RNGTT: variants seen among roughly 807,000 people sequenced by gnomAD.
RNGTT encodes RNA guanylyltransferase and 5'-phosphatase, also known as mRNA-capping enzyme.
RNGTT carries 33 observed loss-of-function variants against 79.3 expected under a neutral mutation model. That is an observed-to-expected ratio of 0.42 (90% CI 0.32 to 0.56). RNGTT has a LOEUF of 0.56. Among genes scored for constraint, RNGTT ranks in the 20% least tolerant of loss-of-function variants. The pLI is 0.17. For missense variants in RNGTT, 497 were observed against 739.1 expected (o/e 0.67, Z 3.80); for synonymous variants, 222 against 235.9 (o/e 0.94, Z 0.54).
chr6:88,724,994 C>T (rs1055305586), intron 13 of RNGTT, among the ~76,000 whole-genome samples: 5 of 152,208 alleles, frequency 3.3e-5, no homozygotes, highest in African/African-American at 4.8e-5. Context: ...CCCAAGTGTG[C>T]GCTCACCATT....
At chr6:88,758,028 A>G (rs750956119) in intron 13 of RNGTT, among the ~76,000 whole-genome samples, 1 of 152,192 alleles carries the variant, frequency 6.6e-6, no homozygotes, top group Non-Finnish European at 1.5e-5. Flanking sequence ...AAAGATTTCA[A>G]AACTATTTTT....
At chr6:88,922,398 A>C (rs1361171883) in intron 4 of RNGTT, among the ~76,000 whole-genome samples, 2 of 152,304 alleles carry the variant, frequency 1.3e-5, no homozygotes, top group African/African-American at 4.8e-5. Context: ...AAATGTTTCA[A>C]TACACATCTC....
chr6:88,898,862 C>CA lies in RNGTT; in HGVS notation c.684+5852dup, dbSNP rs34986773. Among the ~76,000 whole-genome samples the CA allele has an allele frequency of 9.4e-3, 1,040 of 110,158 alleles. 2 individuals carry two copies. The highest frequency in any genetic ancestry group is 0.014 in the African/African-American group (424 of 31,330). 72.3% of individuals were successfully genotyped at this position (110,158 alleles called of 152,430 possible). ...CCTAGATGTTTGCATTTATATTTTA[C>CA]AAAAAAAAAAAAACTCATCTTTAAG... On this transcript the variant is annotated intron_variant, in intron 6 of 15. Coordinates refer to ENST00000369485, the MANE Select transcript of RNGTT (RefSeq NM_003800.5).
chr6:88,831,587 A>G (rs932968896), intron 11 of RNGTT, among the ~76,000 whole-genome samples: 3 of 152,248 alleles, frequency 2.0e-5, no homozygotes, highest in African/African-American at 7.2e-5. Context: ...AGTTCTGGAC[A>G]GGGCAATCAG....
At chr6:88,866,965 C>T (rs1413877211) in intron 8 of RNGTT, among the ~76,000 whole-genome samples, 3 of 152,120 alleles carry the variant, frequency 2.0e-5, no homozygotes, top group Non-Finnish European at 2.9e-5. Context: ...CCTGAGAAAA[C>T]GGAGTCAATT....
chr6:88,950,487 G>A (rs1785206114), intron 1 of RNGTT, among the ~76,000 whole-genome samples: 1 of 152,090 alleles, frequency 6.6e-6, no homozygotes, highest in Admixed American at 6.5e-5. Context: ...AAAACTTTCT[G>A]GAAAGGATTC....
At chr6:88,952,720 C>A (rs1225071601) in intron 1 of RNGTT, among the ~76,000 whole-genome samples, 1 of 152,202 alleles carries the variant, frequency 6.6e-6, no homozygotes, top group Non-Finnish European at 1.5e-5. Flanking sequence ...TACTTACTGC[C>A]CTGCCACCCC....
rs1294974985 is a variant in RNGTT, at chr6:88,881,248, T to C, written c.896+9247A>G. Among the ~76,000 whole-genome samples the C allele has an allele frequency of 3.3e-5, 5 of 152,258 alleles. No homozygotes were observed. The East Asian group carries it at 7.7e-4, about 23-fold the overall frequency. ...GCATAAAGACATAGTAAAGCGACTA[T>C]CAAGTGTAACTGCAAGTCTTTCATT... On this transcript the variant is annotated intron_variant, in intron 8 of 15. Coordinates refer to ENST00000369485, the MANE Select transcript of RNGTT (RefSeq NM_003800.5).
chr6:88,938,351 C>T (rs1784735355), intron 2 of RNGTT, among the ~76,000 whole-genome samples: 1 of 152,152 alleles, frequency 6.6e-6, no homozygotes, highest in South Asian at 2.1e-4. Context: ...TTTAGCTACT[C>T]CTGCTCACCT....
intron 14 of RNGTT, among the ~76,000 whole-genome samples, chr6:88,619,402 A>G (rs1182109273): frequency 6.6e-6 from 1 of 152,144 alleles, no homozygotes; most frequent in African/African-American, 2.4e-5. Context: ...TCCTGGGCTT[A>G]AGCAATCCTC....
intron 13 of RNGTT, among the ~76,000 whole-genome samples, chr6:88,752,969 C>CA (rs1777888898): frequency 1.3e-5 from 2 of 151,816 alleles, no homozygotes; most frequent in African/African-American, 2.4e-5. Context: ...ATTCTAAAAG[C>CA]AAAAAATGTC....
At chr6:88,903,589 T>C (rs1783545884) in intron 6 of RNGTT, among the ~76,000 whole-genome samples, 1 of 152,168 alleles carries the variant, frequency 6.6e-6, no homozygotes, top group African/African-American at 2.4e-5. Context: ...CTTATAGTCT[T>C]AAAATTTAAA....
intron 14 of RNGTT, among the ~76,000 whole-genome samples, chr6:88,639,422 A>C (rs946692551): frequency 2.6e-5 from 4 of 152,164 alleles, no homozygotes; most frequent in African/African-American, 9.6e-5. Context: ...GTGGCAAGTA[A>C]AGATATACAC....
chr6:88,897,094 A>G (rs1471962557), intron 6 of RNGTT, among the ~76,000 whole-genome samples: 1 of 152,176 alleles, frequency 6.6e-6, no homozygotes, highest in African/African-American at 2.4e-5. Context: ...AATTTCACCA[A>G]GACTAACAGT....
chr6:88,898,983 AT>A (rs1402360947), intron 6 of RNGTT, among the ~76,000 whole-genome samples: 2 of 151,730 alleles, frequency 1.3e-5, no homozygotes, highest in Non-Finnish European at 2.9e-5. Flanking sequence ...AAGTTGAAGG[AT>A]TATAAGTTTT....
intron 8 of RNGTT, among the ~76,000 whole-genome samples, chr6:88,864,773 A>C (rs1782116284): frequency 6.6e-6 from 1 of 152,174 alleles, no homozygotes; most frequent in Non-Finnish European, 1.5e-5. Context: ...AAAAGGAAGG[A>C]AATTGTGATA....
intron 11 of RNGTT, 144 bp downstream of exon 11, chr6:88,844,213 T>C (rs1781410845): frequency 4.5e-6 from 3 of 659,724 alleles, no homozygotes; most frequent in Non-Finnish European, 7.4e-6. Flanking sequence ...TCGTACCATG[T>C]TTGGCCAAAA....
chr6:88,683,014 A>C (rs1775148291), intron 13 of RNGTT, among the ~76,000 whole-genome samples: 1 of 152,172 alleles, frequency 6.6e-6, no homozygotes. Context: ...ACAATCCAAA[A>C]TATATATATG....
At chr6:88,680,515 G>T (rs563221252) in intron 13 of RNGTT, among the ~76,000 whole-genome samples, 1 of 151,884 alleles carries the variant, frequency 6.6e-6, no homozygotes, top group South Asian at 2.1e-4. Context: ...GCCGAGGAGG[G>T]GGGATCACCT....
Sources: gnomAD v4.1 joint callset for allele counts (sites outside exome capture counted in the v4.1 genomes callset) on GRCh38, gnomAD v4.1.1 for gene constraint, MANE v1.5 for transcripts, NCBI Gene and HGNC (gene_info 2026-07-23, HGNC 2026-07-21) for gene names.